GRM8: variants seen among roughly 807,000 people sequenced by gnomAD.
The protein encoded by GRM8 is glutamate metabotropic receptor 8, also known as metabotropic glutamate receptor 8.
In GRM8, 47 loss-of-function variants were observed where a neutral mutation model predicts 87.2. That is an observed-to-expected ratio of 0.54 (90% CI 0.43 to 0.69). The LOEUF (loss-of-function observed/expected upper bound fraction) is 0.69. Ranked by LOEUF, GRM8 falls within the 30% of genes least tolerant of loss-of-function variation. The pLI is 0.00. For missense variants in GRM8, 1,019 were observed against 1,139.2 expected (o/e 0.89, Z 1.52); for synonymous variants, 396 against 404.5 (o/e 0.98, Z 0.25).
chr7:126,661,175 G>A (rs1275188641), intron 7 of GRM8, among the ~76,000 whole-genome samples: 2 of 152,146 alleles, frequency 1.3e-5, no homozygotes, highest in Admixed American at 6.5e-5. Context: ...TAATCGGATT[G>A]TTTGTAACAC....
chr7:126,506,764 GT>G (rs1202134275), intron 9 of GRM8, among the ~76,000 whole-genome samples: 9 of 151,388 alleles, frequency 5.9e-5, no homozygotes, highest in Non-Finnish European at 1.5e-5. Context: ...GGGCAACAGA[GT>G]AAGACTCTGT....
chr7:127,237,226 C>A (rs1025815936), intron 2 of GRM8, among the ~76,000 whole-genome samples: 2 of 152,176 alleles, frequency 1.3e-5, no homozygotes, highest in African/African-American at 4.8e-5. Context: ...TGAAACCCTG[C>A]TACAGTACCA....
At chr7:127,204,298 G>A (rs936225054) in intron 2 of GRM8, among the ~76,000 whole-genome samples, 1 of 152,144 alleles carries the variant, frequency 6.6e-6, no homozygotes, top group African/African-American at 2.4e-5. Flanking sequence ...TCCCAGCAAA[G>A]GACAACAGAT....
At chr7:126,710,248 T>C (rs1359347595) in intron 7 of GRM8, among the ~76,000 whole-genome samples, 2 of 152,086 alleles carry the variant, frequency 1.3e-5, no homozygotes, top group Admixed American at 6.6e-5. Flanking sequence ...AGAGTGGCGG[T>C]TGCTGAAGGT....
At chr7:126,571,607 G>A (rs1052755392) in intron 8 of GRM8, among the ~76,000 whole-genome samples, 4 of 152,136 alleles carry the variant, frequency 2.6e-5, no homozygotes, top group Admixed American at 6.5e-5. Flanking sequence ...CTGCCAACAA[G>A]TATTTCCCAC....
chr7:126,614,660 A>G (rs1438274566), intron 7 of GRM8, among the ~76,000 whole-genome samples: 3 of 152,212 alleles, frequency 2.0e-5, no homozygotes, highest in Non-Finnish European at 4.4e-5. Context: ...TAGAATAACC[A>G]GTGTAGAGAA....
At chr7:126,874,674 G>A (rs1799389379) in intron 6 of GRM8, among the ~76,000 whole-genome samples, 1 of 152,062 alleles carries the variant, frequency 6.6e-6, no homozygotes. Context: ...AAAGCTAGAA[G>A]AGTCAGAATC....
At chr7:127,130,230 T>C (rs935071869) in intron 2 of GRM8, among the ~76,000 whole-genome samples, 6 of 152,118 alleles carry the variant, frequency 3.9e-5, no homozygotes, top group Admixed American at 3.9e-4. Context: ...AGTATTTTTA[T>C]AGCAGCATGA....
At chr7:126,987,463 T>C (rs1812204225) in intron 3 of GRM8, among the ~76,000 whole-genome samples, 1 of 152,034 alleles carries the variant, frequency 6.6e-6, no homozygotes, top group African/African-American at 2.4e-5. Flanking sequence ...TTTTGTTTTT[T>C]GTTTGTTTGT....
chr7:126,903,646 G>T (rs1833069), intron 5 of GRM8, among the ~76,000 whole-genome samples: 22,243 of 79,812 alleles, frequency 0.28, 4,457 homozygotes, highest in East Asian at 0.48. Flanking sequence ...TATATATATA[G>T]GTATATGTGT....
At chr7:126,882,626 G>GCTATGAGA (rs1253258787) in intron 6 of GRM8, among the ~76,000 whole-genome samples, 2 of 152,132 alleles carry the variant, frequency 1.3e-5, no homozygotes, top group Non-Finnish European at 2.9e-5. Context: ...ACTAATTGCT[G>GCTATGAGA]CTATGAGAAA....
intron 2 of GRM8, among the ~76,000 whole-genome samples, chr7:127,233,397 C>T (rs1288563086): frequency 1.3e-5 from 2 of 152,124 alleles, no homozygotes; most frequent in African/African-American, 4.8e-5. Context: ...AAGAAATTTA[C>T]ATCAGTATGA....
intron 3 of GRM8, among the ~76,000 whole-genome samples, chr7:127,100,763 T>C (rs1825164259): frequency 6.6e-6 from 1 of 150,940 alleles, no homozygotes; most frequent in South Asian, 2.1e-4. Context: ...ATCTCCACCT[T>C]GCCCTACACT....
intron 3 of GRM8, among the ~76,000 whole-genome samples, chr7:126,992,831 G>GTGTGTGTA (rs1554558392): frequency 5.0e-4 from 70 of 141,130 alleles, no homozygotes; most frequent in African/African-American, 1.6e-3. Context: ...GTGTGTGTAT[G>GTGTGTGTA]TGTGTGTGTG....
chr7:127,231,336 C>A (rs1797675715), intron 2 of GRM8, among the ~76,000 whole-genome samples: 1 of 152,166 alleles, frequency 6.6e-6, no homozygotes, highest in South Asian at 2.1e-4. Context: ...TAGGACTAGA[C>A]CACATTAAAC....
intron 2 of GRM8, among the ~76,000 whole-genome samples, chr7:127,117,507 T>C (rs1474736059): frequency 2.0e-5 from 3 of 152,220 alleles, no homozygotes; most frequent in African/African-American, 7.2e-5. Context: ...AGATGAAATC[T>C]CTGATTATTC....
intron 9 of GRM8, among the ~76,000 whole-genome samples, chr7:126,520,084 A>G (rs542366587): frequency 6.6e-6 from 1 of 152,024 alleles, no homozygotes; most frequent in African/African-American, 2.4e-5. Context: ...CCTATGGACA[A>G]AAGGAGATTT....
At chr7:127,015,072 A>AAGAAGAAAGAAAGAAGGAGAAGAAGGAG (rs757484218) in intron 3 of GRM8, among the ~76,000 whole-genome samples, 2 of 103,920 alleles carry the variant, frequency 1.9e-5, no homozygotes, top group Non-Finnish European at 4.7e-5. Flanking sequence ...AAGAAGAAAG[A>AAGAAGAAAGAAAGAAGGAGAAGAAGGAG]AAGAAGGAGA....
At chr7:126,643,286 G>C (rs1380591416) in intron 7 of GRM8, among the ~76,000 whole-genome samples, 4 of 49,768 alleles carry the variant, frequency 8.0e-5, no homozygotes, top group Admixed American at 7.4e-4. Flanking sequence ...GTGAGAACTT[G>C]TCTCAAAAAA....
Sources: allele counts gnomAD v4.1 joint callset (sites outside exome capture counted in the v4.1 genomes callset), GRCh38; gene constraint gnomAD v4.1.1; transcripts MANE v1.5; gene names NCBI Gene and HGNC (gene_info 2026-07-23, HGNC 2026-07-21).